Variants in TPTE2 observed in about 807,000 individuals in gnomAD.
The protein encoded by TPTE2 is transmembrane phosphoinositide 3-phosphatase and tensin homolog 2, also known as phosphatidylinositol 3,4,5-trisphosphate 3-phosphatase TPTE2.
A neutral mutation model predicts 78.6 loss-of-function variants in TPTE2; 53 were observed. That is an observed-to-expected ratio of 0.67 (90% CI 0.54 to 0.85). TPTE2 has a LOEUF of 0.85. Ranked by LOEUF, TPTE2 falls within the 40% of genes least tolerant of loss-of-function variation. TPTE2 has a pLI of 0.00. For missense variants in TPTE2, 461 were observed against 623.0 expected (o/e 0.74, Z 2.77); for synonymous variants, 175 against 206.2 (o/e 0.85, Z 1.30).
chr13:19,481,140 C>T (rs1215798650), intron 4 of TPTE2, among the ~76,000 whole-genome samples: 1 of 152,166 alleles, frequency 6.6e-6, no homozygotes, highest in African/African-American at 2.4e-5. Context: ...GCCTAAAGAA[C>T]TTAGAAGTGC....
intron 10 of TPTE2, chr13:19,458,288 A>T: frequency 5.7e-6 from 1 of 174,530 alleles, no homozygotes; most frequent in Non-Finnish European, 1.2e-5. Context: ...ATATTCTGAC[A>T]GTCATTCATA....
the TPTE2 span, among the ~76,000 whole-genome samples, chr13:19,556,536 C>T: frequency 6.4e-4 from 98 of 152,202 alleles, no homozygotes; most frequent in Non-Finnish European, 1.2e-3. Context: ...CATTCTCCCC[C>T]CCACCTTTGA....
intron 13 of TPTE2, among the ~76,000 whole-genome samples, chr13:19,442,264 C>A (rs552764489): frequency 6.6e-6 from 1 of 150,440 alleles, no homozygotes; most frequent in Admixed American, 6.6e-5. Flanking sequence ...TGTAATAAAT[C>A]AAAAATTTAA....
intron 1 of TPTE2, among the ~76,000 whole-genome samples, chr13:19,519,251 T>C (rs1244655555): frequency 6.6e-6 from 1 of 152,126 alleles, no homozygotes; most frequent in African/African-American, 2.4e-5. Context: ...AAAACTGCTG[T>C]ATCAGGGCCT....
At chr13:19,472,012 C>T (rs1879646960) in intron 6 of TPTE2, among the ~76,000 whole-genome samples, 2 of 152,140 alleles carry the variant, frequency 1.3e-5, no homozygotes, top group South Asian at 4.1e-4. Context: ...TGGCCTGAAA[C>T]GTTTCTACTA....
chr13:19,426,048 G>C (rs1876037373), intron 18 of TPTE2, among the ~76,000 whole-genome samples: 1 of 151,140 alleles, frequency 6.6e-6, no homozygotes, highest in South Asian at 2.1e-4. Flanking sequence ...GACAGAGTGA[G>C]ACCCTGTCTC....
At chr13:19,557,348 T>C in the TPTE2 span, among the ~76,000 whole-genome samples, 7 of 152,218 alleles carry the variant, frequency 4.6e-5, no homozygotes, top group Non-Finnish European at 1.0e-4. Context: ...GTATGTGTGT[T>C]GCTTGGATCC....
chr13:19,516,180 C>A (rs1161587290), intron 1 of TPTE2, among the ~76,000 whole-genome samples: 2 of 152,206 alleles, frequency 1.3e-5, no homozygotes, highest in African/African-American at 4.8e-5. Flanking sequence ...TTAGCTACAC[C>A]TTTATAATCA....
At chr13:19,449,389 C>T (rs1162083917) in intron 13 of TPTE2, among the ~76,000 whole-genome samples, 1 of 152,100 alleles carries the variant, frequency 6.6e-6, no homozygotes, top group Admixed American at 6.6e-5. Context: ...GATCCACCTG[C>T]CTCAGCCTCC....
chr13:19,549,161 A>G, the TPTE2 span, among the ~76,000 whole-genome samples: 1 of 151,926 alleles, frequency 6.6e-6, no homozygotes, highest in Non-Finnish European at 1.5e-5. Context: ...AAAATTGACA[A>G]GTGCGATCTA....
At chr13:19,443,852 T>G (rs1033496986) in intron 13 of TPTE2, among the ~76,000 whole-genome samples, 1 of 152,066 alleles carries the variant, frequency 6.6e-6, no homozygotes, top group African/African-American at 2.4e-5. Context: ...TGGCTGCTAT[T>G]GCCACTTCTA....
chr13:19,531,918 C>A (rs1870902396), intron 1 of TPTE2, among the ~76,000 whole-genome samples: 1 of 152,122 alleles, frequency 6.6e-6, no homozygotes, highest in Non-Finnish European at 1.5e-5. Context: ...CAGAGCAAGA[C>A]TCTACCTCAA....
chr13:19,426,489 ATTTT>A lies in TPTE2; in HGVS notation c.1327_1330del (p.Lys443TyrfsTer2), dbSNP rs1462655949. The A allele has an allele frequency of 2.4e-5, 39 of 1,599,940 alleles. No individual in the cohort carries two copies. The highest frequency in any genetic ancestry group is 1.0e-4 in the Admixed American group (6 of 59,980). ...TGGACCGTCATATACATTAATTAATATTTTGTCTGTTTCAATGTCATGCAATATC... is the reference window on the plus strand; with the variant it reads ...TGGACCGTCATATACATTAATTAATAGTCTGTTTCAATGTCATGCAATATC... On this transcript the variant is annotated frameshift_variant, in exon 18 of 20. Coordinates refer to ENST00000400230, the Ensembl canonical transcript of TPTE2. LOFTEE classifies it high-confidence loss of function.
In TPTE2 at chr13:19,533,838, G is replaced by T. The variant is rs190341827; in HGVS notation, c.-44+2758C>A. Among the ~76,000 whole-genome samples the T allele has an allele frequency of 3.6e-3, 549 of 152,338 alleles. 1 individual carries two copies. Among genetic ancestry groups the T allele is most frequent in the Non-Finnish European group, 6.3e-3 (430 of 68,040 alleles). On this transcript the variant is annotated intron_variant, in intron 1 of 17. Coordinates refer to the TPTE2 transcript ENST00000390680. ...TTGTTGACAATTAAGGAGCTGGCAA[G>T]CAAAGACACACTCAGAGCGTTTCTC... is the stretch of plus-strand genomic sequence containing the variant.
the TPTE2 span, among the ~76,000 whole-genome samples, chr13:19,544,060 CAAAAAAAAAA>C: frequency 3.1e-5 from 1 of 31,984 alleles, no homozygotes; most frequent in Non-Finnish European, 5.1e-5. Flanking sequence ...GAACCTGTCT[CAAAAAAAAAA>C]AAAAAAAAAA....
At chr13:19,560,318 G>A in the TPTE2 span, 16 of 1,397,154 alleles carry the variant, frequency 1.1e-5, no homozygotes, top group Middle Eastern at 2.1e-4. Context: ...TACTCCCCTC[G>A]CTCCAGCCGC....
chr13:19,492,632 T>C (rs1881065912), intron 3 of TPTE2, among the ~76,000 whole-genome samples: 2 of 152,276 alleles, frequency 1.3e-5, no homozygotes, highest in South Asian at 2.1e-4. Context: ...TAAAAAATAC[T>C]CTGTATGGCC....
rs565150248 is a variant in TPTE2 at position 19,484,694 on chromosome 13, T to C, written c.120-2147A>G. Among the ~76,000 whole-genome samples the C allele has an allele frequency of 5.3e-5, 8 of 152,312 alleles. No homozygotes were observed. In the East Asian group the frequency reaches 1.5e-3, roughly 29 times the overall value. On this transcript the variant is annotated intron_variant, in intron 3 of 19. Transcript: ENST00000400230. ...TACAATTATACACATATTACAATTATATTTCTTGCTGAATTGAACCCTTTA... is the reference window on the plus strand; with the variant it reads ...TACAATTATACACATATTACAATTACATTTCTTGCTGAATTGAACCCTTTA...
intron 6 of TPTE2, among the ~76,000 whole-genome samples, chr13:19,471,261 G>T (rs1486281219): frequency 6.6e-6 from 1 of 152,060 alleles, no homozygotes; most frequent in Non-Finnish European, 1.5e-5. Flanking sequence ...GAAAAGCTTA[G>T]TCTGCTGACA....
Sources: gnomAD v4.1 joint callset for allele counts (sites outside exome capture counted in the v4.1 genomes callset) on GRCh38, gnomAD v4.1.1 for gene constraint, MANE v1.5 for transcripts, NCBI Gene and HGNC (gene_info 2026-07-23, HGNC 2026-07-21) for gene names.